The following TNFAIP8 variants were observed in gnomAD, a reference collection of about 807,000 sequenced individuals.
TNFAIP8 encodes the protein tumor necrosis factor alpha-induced protein 8.
TNFAIP8 carries 7 observed loss-of-function variants against 13.3 expected under a neutral mutation model. The ratio of observed to expected loss-of-function variants is 0.52; its 90% CI spans 0.30 to 0.99. The LOEUF is 0.99. Among genes scored for constraint, TNFAIP8 ranks in the 50% least tolerant of loss-of-function variants. The probability of loss-of-function intolerance (pLI) is 0.07; values close to 1 mark genes in which losing one functional copy is unlikely to be tolerated. For synonymous variants in TNFAIP8, 94 were observed against 87.6 expected, an observed-to-expected ratio of 1.07 and a Z score of -0.41; for missense variants, 258 against 236.9, an observed-to-expected ratio of 1.09 and a Z score of -0.58.
At chr5:119,335,906 T>A (rs976286220) in intron 1 of TNFAIP8, among the ~76,000 whole-genome samples, 2 of 151,624 alleles carry the variant, frequency 1.3e-5, no homozygotes, top group South Asian at 4.2e-4. Context: ...GGTGGGTAAT[T>A]GTGGTTGCAA....
At chr5:119,390,173 T>C (rs1250593936) in intron 1 of TNFAIP8, among the ~76,000 whole-genome samples, 1 of 152,172 alleles carries the variant, frequency 6.6e-6, no homozygotes, top group Non-Finnish European at 1.5e-5. Context: ...GGTAAGATAT[T>C]TGTAGACTGT....
Position 119,381,739 on chromosome 5 carries a change from A to G in TNFAIP8, c.32-11077A>G, listed in dbSNP as rs553837825. Among the ~76,000 whole-genome samples, 434 of 152,038 alleles carry G rather than the reference A, an allele frequency of 2.9e-3. 1 individual carries two copies. Among genetic ancestry groups the G allele is most frequent in the Non-Finnish European group, 4.4e-3 (300 of 67,956 alleles). On this transcript the variant is annotated intron_variant, in intron 1 of 1. Coordinates refer to ENST00000504771, the MANE Select transcript of TNFAIP8 (RefSeq NM_014350.4). ...GCCAGAGGAGTTTTACCAGGGACAGAGTGGCCAATATGGTGAAACCCCGTC... is the reference window on the plus strand; with the variant it reads ...GCCAGAGGAGTTTTACCAGGGACAGGGTGGCCAATATGGTGAAACCCCGTC...
chr5:119,345,638 A>G (rs1750872606), intron 1 of TNFAIP8, among the ~76,000 whole-genome samples: 1 of 152,238 alleles, frequency 6.6e-6, no homozygotes, highest in Admixed American at 6.5e-5. Flanking sequence ...CACTGAATGT[A>G]AGTTACCTGG....
At chr5:119,288,017 G>T (rs1303617203) in intron 1 of TNFAIP8, among the ~76,000 whole-genome samples, 1 of 152,068 alleles carries the variant, frequency 6.6e-6, no homozygotes, top group Non-Finnish European at 1.5e-5. Context: ...ATGTTATCCT[G>T]ATAATTTAAA....
At chr5:119,281,895 A>T (rs188169884) in intron 1 of TNFAIP8, among the ~76,000 whole-genome samples, 2 of 152,314 alleles carry the variant, frequency 1.3e-5, no homozygotes, top group African/African-American at 4.8e-5. Context: ...GACCTTTATA[A>T]TTAAGGGTCA....
intron 1 of TNFAIP8, among the ~76,000 whole-genome samples, chr5:119,286,621 CAAAAAA>C (rs11302326): frequency 2.4e-5 from 3 of 127,546 alleles, no homozygotes; most frequent in Non-Finnish European, 3.3e-5. Context: ...GACTCCCTCT[CAAAAAA>C]AAAAAAAAAA....
chr5:119,284,204 G>A (rs573640414), intron 1 of TNFAIP8, among the ~76,000 whole-genome samples: 3 of 152,220 alleles, frequency 2.0e-5, no homozygotes, highest in South Asian at 2.1e-4. Flanking sequence ...GTTCAAATCC[G>A]GTGGTTTCTA....
intron 1 of TNFAIP8, among the ~76,000 whole-genome samples, chr5:119,373,705 A>G (rs538109597): frequency 2.4e-4 from 37 of 152,356 alleles, no homozygotes; most frequent in African/African-American, 7.7e-4. Flanking sequence ...TATGGTACGT[A>G]TGCCACTGGT....
At chr5:119,386,957 G>C (rs1426899826) in intron 1 of TNFAIP8, among the ~76,000 whole-genome samples, 3 of 84,400 alleles carry the variant, frequency 3.6e-5, no homozygotes, top group African/African-American at 5.1e-5. Flanking sequence ...CTTCTACTGG[G>C]TCTCCCTCCC....
intron 1 of TNFAIP8, among the ~76,000 whole-genome samples, chr5:119,390,985 A>AT (rs11448031): frequency 0.34 from 47,340 of 137,414 alleles, 8,282 homozygotes; most frequent in East Asian, 0.53. Flanking sequence ...CACCTGGCTA[A>AT]TTTTTTTTTT....
intron 1 of TNFAIP8, among the ~76,000 whole-genome samples, chr5:119,380,509 C>G (rs1752447507): frequency 6.6e-6 from 1 of 152,330 alleles, no homozygotes; most frequent in Admixed American, 6.5e-5. Context: ...CCTCTACATT[C>G]TGGTAGATGA....
At chr5:119,300,098 C>T (rs1749337245) in intron 1 of TNFAIP8, among the ~76,000 whole-genome samples, 1 of 152,250 alleles carries the variant, frequency 6.6e-6, no homozygotes, top group African/African-American at 2.4e-5. Flanking sequence ...TCGGCTCGCG[C>T]ACGGTGCGCT....
At chr5:119,297,909 T>C (rs1749229239) in intron 1 of TNFAIP8, among the ~76,000 whole-genome samples, 1 of 152,204 alleles carries the variant, frequency 6.6e-6, no homozygotes. Flanking sequence ...GTCTGTTTTA[T>C]CAGAGACTAG....
intron 1 of TNFAIP8, among the ~76,000 whole-genome samples, chr5:119,372,970 A>C (rs1382051329): frequency 2.0e-5 from 3 of 152,204 alleles, no homozygotes; most frequent in African/African-American, 7.2e-5. Flanking sequence ...CAAAAATAAA[A>C]TAAATAAATA....
chr5:119,322,345 G>A (rs768592576), intron 1 of TNFAIP8, among the ~76,000 whole-genome samples: 1 of 152,018 alleles, frequency 6.6e-6, no homozygotes, highest in Non-Finnish European at 1.5e-5. Context: ...ACTCCTTGAG[G>A]AGTGGTCCCA....
At position 119,350,998 on chromosome 5, in the gene TNFAIP8, C is replaced by CTGTGTGTGTG. The variant is rs70982476; in HGVS notation, c.2-41790_2-41781dup. Among the ~76,000 whole-genome samples the CTGTGTGTGTG allele has an allele frequency of 4.9e-3, 674 of 137,950 alleles. 9 individuals carry two copies. Among genetic ancestry groups the CTGTGTGTGTG allele is most frequent in the African/African-American group, 0.017 (619 of 36,410 alleles). 90.5% of individuals were successfully genotyped at this position (137,950 alleles called of 152,430 possible). On this transcript the variant is annotated intron_variant, in intron 1 of 1. Transcript: ENST00000274456. ...TGTGTGTAGAGAGAGGGGTCTCACTCTGTGTGTGTGTGTGTGTGTGTGTGT... is the reference window on the plus strand; with the variant it reads ...TGTGTGTAGAGAGAGGGGTCTCACTCTGTGTGTGTGTGTGTGTGTGTGTGTGTGTGTGTGT...
chr5:119,390,332 A>G (rs892234686), intron 1 of TNFAIP8, among the ~76,000 whole-genome samples: 1 of 152,164 alleles, frequency 6.6e-6, no homozygotes, highest in Non-Finnish European at 1.5e-5. Context: ...TGAGGTCTAT[A>G]TCAGGAGTTC....
At position 119,269,942 on chromosome 5, in the gene TNFAIP8, C is replaced by G. The variant is rs559472744; in HGVS notation, c.1+1035C>G. Among the ~76,000 whole-genome samples the G allele has an allele frequency of 1.1e-4, 16 of 151,960 alleles. No individual in the cohort carries two copies. In the South Asian group the frequency reaches 3.1e-3, roughly 30 times the overall value. On this transcript the variant is annotated intron_variant, in intron 1 of 1. Transcript: ENST00000274456. ...AAATGATTGCCTGGTTGCTGGGGTC[C>G]TATCTAATTTTAATAGTCTCTCTGA...
intron 1 of TNFAIP8, among the ~76,000 whole-genome samples, chr5:119,379,580 G>T (rs924623): frequency 0.76 from 114,852 of 151,988 alleles, 44,410 homozygotes; most frequent in African/African-American, 0.94. Context: ...TCCTTCATTT[G>T]ATTTGTTTTA....
Sources: allele counts gnomAD v4.1 joint callset (sites outside exome capture counted in the v4.1 genomes callset), GRCh38; gene constraint gnomAD v4.1.1; transcripts MANE v1.5; gene names NCBI Gene and HGNC (gene_info 2026-07-23, HGNC 2026-07-21).